Variants in PRDM11 observed in about 807,000 individuals in gnomAD.
PRDM11 encodes the protein PR domain-containing protein 11.
Under a neutral mutation model 97.8 loss-of-function variants are expected in PRDM11, and 20 were observed. The ratio of observed to expected loss-of-function variants is 0.20; its 90% CI spans 0.14 to 0.30. The LOEUF is 0.30. Ranked by LOEUF, PRDM11 falls within the 10% of genes least tolerant of loss-of-function variation. PRDM11 has a pLI of 1.00. For missense variants in PRDM11, 1,139 were observed against 1,555.2 expected (o/e 0.73, Z 4.50); for synonymous variants, 599 against 637.7 (o/e 0.94, Z 0.91).
At chr11:45,202,789 G>A (rs1029507143) in intron 4 of PRDM11, among the ~76,000 whole-genome samples, 2 of 152,134 alleles carry the variant, frequency 1.3e-5, no homozygotes, top group African/African-American at 4.8e-5. Context: ...ATTTTTCTTG[G>A]CTTTAGCTGA....
chr11:45,141,560 G>T (rs1237989288), intron 1 of PRDM11, among the ~76,000 whole-genome samples: 1 of 152,200 alleles, frequency 6.6e-6, no homozygotes, highest in East Asian at 1.9e-4. Context: ...CCTCTGGAAG[G>T]CTGGAGAAAC....
At chr11:45,215,389 A>G (rs936270147) in intron 5 of PRDM11, among the ~76,000 whole-genome samples, 1 of 152,218 alleles carries the variant, frequency 6.6e-6, no homozygotes, top group African/African-American at 2.4e-5. Context: ...GTTCTTGGCC[A>G]AAAAGCATGG....
rs370788104 is a variant in PRDM11 at position 45,234,896 on chromosome 11, A to C, written c.*6737A>C. ...GGGAAATACCTAGGAGTCTATTATC[A>C]CATACATATTAATATGTTAATACTT... On this transcript the variant is annotated 3_prime_UTR_variant, in exon 8 of 8. Coordinates refer to ENST00000683152, the MANE Select transcript of PRDM11 (RefSeq NM_001384648.1). The C allele has an allele frequency of 3.9e-5, 6 of 152,258 alleles. No individual in the cohort carries two copies. The South Asian group carries it at 8.3e-4, about 21-fold the overall frequency. The allele number at this position is 152,258 out of a possible 1,614,324, so 9.4% of individuals were successfully genotyped here.
chr11:45,192,849 A>G (rs1310766320), intron 4 of PRDM11, among the ~76,000 whole-genome samples: 1 of 152,252 alleles, frequency 6.6e-6, no homozygotes, highest in Non-Finnish European at 1.5e-5. Flanking sequence ...TATAAAATTA[A>G]CTACAAAAAC....
At chr11:45,184,805 T>C (rs1294751221) in intron 4 of PRDM11, among the ~76,000 whole-genome samples, 1 of 152,064 alleles carries the variant, frequency 6.6e-6, no homozygotes, top group Admixed American at 6.6e-5. Flanking sequence ...TTGGAGATGT[T>C]GCTTAGTGAG....
At chr11:45,095,097 G>A (rs1851871063), upstream of PRDM11, among the ~76,000 whole-genome samples, 1 of 152,110 alleles carries the variant, frequency 6.6e-6, no homozygotes, top group African/African-American at 2.4e-5. Context: ...CCACCACAGT[G>A]GGATCCCGCC....
At chr11:45,143,558 C>T (rs1375008077), upstream of PRDM11, among the ~76,000 whole-genome samples, 1 of 152,268 alleles carries the variant, frequency 6.6e-6, no homozygotes, top group South Asian at 2.1e-4. Flanking sequence ...TATTTCACCA[C>T]CCATTAGGCT....
chr11:45,199,611 A>T (rs560667546), intron 4 of PRDM11, among the ~76,000 whole-genome samples: 1 of 152,336 alleles, frequency 6.6e-6, no homozygotes, highest in South Asian at 2.1e-4. Context: ...TGCTGAGTTC[A>T]GAGGGACCAA....
At chr11:45,145,848 C>T (rs1163762836), upstream of PRDM11, among the ~76,000 whole-genome samples, 1 of 152,206 alleles carries the variant, frequency 6.6e-6, no homozygotes, top group Non-Finnish European at 1.5e-5. Flanking sequence ...CACTCAAGCA[C>T]TCTGTGACAA....
intron 1 of PRDM11, among the ~76,000 whole-genome samples, chr11:45,171,443 C>T (rs995953757): frequency 1.3e-5 from 2 of 152,160 alleles, no homozygotes; most frequent in Non-Finnish European, 2.9e-5. Flanking sequence ...AAATTGCTCT[C>T]CCTGATGCTA....
chr11:45,104,447 C>A (rs1403238783), intron 1 of PRDM11, among the ~76,000 whole-genome samples: 3 of 152,180 alleles, frequency 2.0e-5, no homozygotes, highest in Non-Finnish European at 1.5e-5. Flanking sequence ...CGTGCCCTTC[C>A]TGCTGCTCAA....
At chr11:45,206,660 T>C (rs536443787) in intron 5 of PRDM11, among the ~76,000 whole-genome samples, 3 of 152,306 alleles carry the variant, frequency 2.0e-5, no homozygotes, top group African/African-American at 7.2e-5. Flanking sequence ...AACTAACTTA[T>C]CTATCCTCTG....
intron 1 of PRDM11, among the ~76,000 whole-genome samples, chr11:45,149,577 G>A (rs1206671227): frequency 6.6e-6 from 1 of 152,194 alleles, no homozygotes; most frequent in African/African-American, 2.4e-5. Context: ...CGCTTGGGTG[G>A]GGGCCCCATG....
intron 5 of PRDM11, among the ~76,000 whole-genome samples, chr11:45,207,518 C>T (rs553881942): frequency 2.0e-5 from 3 of 152,188 alleles, no homozygotes; most frequent in Admixed American, 2.0e-4. Context: ...CTGCATTACA[C>T]AGGACACCCC....
At chr11:45,164,796 G>T (rs1461573115) in intron 1 of PRDM11, among the ~76,000 whole-genome samples, 2 of 152,194 alleles carry the variant, frequency 1.3e-5, no homozygotes, top group Non-Finnish European at 2.9e-5. Flanking sequence ...CTGCTTGAAT[G>T]CTTCTTGGGG....
chr11:45,147,801 C>G (rs1285789402), intron 1 of PRDM11, among the ~76,000 whole-genome samples: 1 of 152,232 alleles, frequency 6.6e-6, no homozygotes. Context: ...GAAACGTCTC[C>G]TCTTTCCTAG....
In PRDM11 at chr11:45,226,333, C is replaced by G; in HGVS notation, c.1708C>G (p.Leu570Val). 6.5e-7 allele frequency: 1 copy of G among 1,533,986 alleles called. No individual in the cohort carries two copies. Among genetic ancestry groups the G allele is most frequent in the Non-Finnish European group, 8.7e-7 (1 of 1,146,750 alleles). ...HSQSNLHKKC[L>V]QLYKLRMHPE... ...CCAGAGCAACCTGCACAAGAAGTGC[C>G]TGCAACTGTACAAGCTCCGCATGCA... Residue 570 changes from leucine (L) to valine (V), a missense_variant, in exon 8 of 8, where the codon CTG becomes GTG. Around this residue, in one of 2 missense-constraint regions of PRDM11, gnomAD observed 710 missense variants for 1,044.9 expected, o/e 0.68. Coordinates refer to ENST00000683152, the MANE Select transcript of PRDM11 (RefSeq NM_001384648.1).
At chr11:45,112,595 C>T (rs1852207351) in intron 1 of PRDM11, among the ~76,000 whole-genome samples, 1 of 152,184 alleles carries the variant, frequency 6.6e-6, no homozygotes, top group Non-Finnish European at 1.5e-5. Context: ...TCCATGCCAA[C>T]ACCTATTGTT....
chr11:45,219,638 A>T lies in PRDM11; in HGVS notation c.623A>T (p.Tyr208Phe). The part of the protein sequence containing the change: ...LLAFQHSERI[Y>F]FRACRDIRPG... Reference sequence around the variant, plus strand: ...GCGTTCCAGCACAGTGAGCGCATCTACTTCCGGGCGTGCAGGGACATCCGG... The same window carrying T: ...GCGTTCCAGCACAGTGAGCGCATCTTCTTCCGGGCGTGCAGGGACATCCGG... Residue 208 changes from tyrosine to phenylalanine, a missense_variant, in exon 6 of 8, where the codon TAC (tyrosine) becomes TTC (phenylalanine). Physicochemically the swap from Tyr to Phe is conservative, Grantham distance 22. Around this residue, in one of 2 missense-constraint regions of PRDM11, gnomAD observed 429 missense variants for 510.3 expected, o/e 0.84. Transcript: ENST00000683152. This position sits in a 1 kb window ranked among gnomAD's most constrained non-coding sequence, Gnocchi z 4.2. The T allele has an allele frequency of 1.2e-6, 2 of 1,614,076 alleles. No homozygotes were observed. Among genetic ancestry groups the T allele is most frequent in the Non-Finnish European group, 1.7e-6 (2 of 1,180,006 alleles).
Sources: gnomAD v4.1 joint callset for allele counts (sites outside exome capture counted in the v4.1 genomes callset) on GRCh38, gnomAD v4.1.1 for gene constraint, gnomAD v4.1.1 regional missense constraint, Gnocchi (gnomAD v3.1) non-coding constraint, MANE v1.5 for transcripts, NCBI Gene and HGNC (gene_info 2026-07-23, HGNC 2026-07-21) for gene names.